Variants in LRRTM4 observed in about 807,000 individuals in gnomAD.
LRRTM4 encodes leucine rich repeat transmembrane neuronal 4, also known as leucine-rich repeat transmembrane neuronal protein 4.
A neutral mutation model predicts 47.6 loss-of-function variants in LRRTM4; 25 were observed. That is an observed-to-expected ratio of 0.53 (90% CI 0.38 to 0.73). The LOEUF is 0.73. LRRTM4 is among the 30% of genes least tolerant of loss of function. LRRTM4 has a pLI of 0.00. For missense variants in LRRTM4, 638 were observed against 713.4 expected (o/e 0.89, Z 1.20); for synonymous variants, 311 against 269.5 (o/e 1.15, Z -1.51).
chr2:77,102,447 A>T (rs1670981977), intron 3 of LRRTM4, among the ~76,000 whole-genome samples: 1 of 152,202 alleles, frequency 6.6e-6, no homozygotes, highest in South Asian at 2.1e-4. Flanking sequence ...AACTTCCACC[A>T]TTAAGGAAAA....
chr2:77,167,701 G>C (rs945848733), intron 3 of LRRTM4, among the ~76,000 whole-genome samples: 1 of 152,028 alleles, frequency 6.6e-6, no homozygotes, highest in Non-Finnish European at 1.5e-5. Flanking sequence ...CTATCACAAG[G>C]ACAGAAAACC....
chr2:77,158,402 A>C (rs2103801431), intron 3 of LRRTM4, among the ~76,000 whole-genome samples: 1 of 152,284 alleles, frequency 6.6e-6, no homozygotes, highest in South Asian at 2.1e-4. Context: ...AAATTATTTT[A>C]TCTTTTTGGG....
intron 3 of LRRTM4, among the ~76,000 whole-genome samples, chr2:77,282,155 C>G (rs930264482): frequency 1.3e-5 from 2 of 151,756 alleles, no homozygotes; most frequent in East Asian, 1.9e-4. Context: ...GATCTTTCAC[C>G]TCCTTGGTTA....
chr2:76,833,104 A>C (rs1209166495), intron 3 of LRRTM4, among the ~76,000 whole-genome samples: 1 of 152,118 alleles, frequency 6.6e-6, no homozygotes, highest in African/African-American at 2.4e-5. Flanking sequence ...GTGAAATACA[A>C]ATCTGGAACT....
At chr2:77,232,755 A>G (rs1007384140) in intron 3 of LRRTM4, among the ~76,000 whole-genome samples, 23 of 152,208 alleles carry the variant, frequency 1.5e-4, no homozygotes, top group African/African-American at 3.6e-4. Context: ...GTATTTTTCT[A>G]TTACTAAATT....
chr2:77,427,326 T>C (rs1409249855), intron 3 of LRRTM4, among the ~76,000 whole-genome samples: 1 of 152,162 alleles, frequency 6.6e-6, no homozygotes, highest in Non-Finnish European at 1.5e-5. Context: ...ACCTAGTTAA[T>C]ATCTGAGAAA....
chr2:77,214,339 A>T (rs6547131), intron 3 of LRRTM4, among the ~76,000 whole-genome samples: 30,066 of 152,106 alleles, frequency 0.2, 5,701 homozygotes, highest in African/African-American at 0.49. Context: ...ACTTTTACAA[A>T]AGGGATGATA....
intron 3 of LRRTM4, among the ~76,000 whole-genome samples, chr2:76,780,167 C>T (rs186852507): frequency 0.022 from 3,299 of 152,160 alleles, 108 homozygotes; most frequent in African/African-American, 0.069. Flanking sequence ...GAGGGTAACC[C>T]GACCTTTCTC....
At chr2:77,020,059 T>C (rs1678212264) in intron 3 of LRRTM4, among the ~76,000 whole-genome samples, 2 of 152,126 alleles carry the variant, frequency 1.3e-5, no homozygotes, top group Non-Finnish European at 1.5e-5. Flanking sequence ...AATGAACTTA[T>C]GAATCTAAGG....
intron 3 of LRRTM4, among the ~76,000 whole-genome samples, chr2:77,155,614 C>T (rs1192375275): frequency 1.3e-5 from 2 of 151,422 alleles, no homozygotes; most frequent in East Asian, 1.9e-4. Flanking sequence ...TAATCAGGAG[C>T]AGGGTGTGGG....
At chr2:77,150,707 G>A (rs976020887) in intron 3 of LRRTM4, among the ~76,000 whole-genome samples, 1 of 152,102 alleles carries the variant, frequency 6.6e-6, no homozygotes, top group Non-Finnish European at 1.5e-5. Flanking sequence ...AACAGCCTGG[G>A]TGGCTCAGGA....
At chr2:76,910,402 C>G (rs568680724) in intron 3 of LRRTM4, among the ~76,000 whole-genome samples, 1 of 151,584 alleles carries the variant, frequency 6.6e-6, no homozygotes, top group Admixed American at 6.6e-5. Context: ...TGCTAGATGA[C>G]GAGTTAGTGG....
chr2:77,408,654 C>T (rs189619938), intron 3 of LRRTM4, among the ~76,000 whole-genome samples: 39 of 152,268 alleles, frequency 2.6e-4, no homozygotes, highest in Admixed American at 8.5e-4. Flanking sequence ...CTCTGAATCC[C>T]CCCAGGAAGG....
intron 3 of LRRTM4, among the ~76,000 whole-genome samples, chr2:76,778,833 G>GTTCTT (rs1490149736): frequency 6.6e-6 from 1 of 150,956 alleles, no homozygotes. Context: ...TGCTTTTCTA[G>GTTCTT]TTCTTTTAAT....
intron 3 of LRRTM4, among the ~76,000 whole-genome samples, chr2:76,808,764 C>A (rs1314668408): frequency 6.6e-6 from 1 of 152,076 alleles, no homozygotes; most frequent in Non-Finnish European, 1.5e-5. Context: ...CACTTTCCTG[C>A]AACACATTCC....
At chr2:76,903,595 C>T (rs1207129289) in intron 3 of LRRTM4, among the ~76,000 whole-genome samples, 2 of 152,110 alleles carry the variant, frequency 1.3e-5, no homozygotes, top group East Asian at 1.9e-4. Flanking sequence ...ACTACAAAAG[C>T]TTATTTTATC....
chr2:77,213,085 T>C (rs1320272788), intron 3 of LRRTM4, among the ~76,000 whole-genome samples: 1 of 152,160 alleles, frequency 6.6e-6, no homozygotes, highest in Non-Finnish European at 1.5e-5. Flanking sequence ...ATTGGTGGAA[T>C]AGTAATTTTC....
intron 3 of LRRTM4, among the ~76,000 whole-genome samples, chr2:77,136,188 G>GT (rs1671935883): frequency 6.6e-6 from 1 of 152,148 alleles, no homozygotes; most frequent in Non-Finnish European, 1.5e-5. Flanking sequence ...CCTCAAGTGG[G>GT]TCCCTGACCC....
rs1007618686 is a variant in LRRTM4, at chr2:77,260,415, A to G, written c.1551+257903T>C. ...TGTGTGTGTGTGTGTGTGTGTGTGT[A>G]GATAGTTGATTGGCTGCTATCAACG... On this transcript the variant is annotated intron_variant, in intron 3 of 3. Coordinates refer to ENST00000409884, the MANE Select transcript of LRRTM4 (RefSeq NM_001134745.3). 4.7e-4 allele frequency among the ~76,000 whole-genome samples: 59 copies of G among 124,248 alleles called. 1 individual carries two copies. Among genetic ancestry groups the G allele is most frequent in the African/African-American group, 1.5e-3 (53 of 34,918 alleles). 81.5% of individuals were successfully genotyped at this position (124,248 alleles called of 152,430 possible). A position where few individuals can be genotyped will look rare whatever the true frequency, so the allele number is the denominator to read the frequency against.
Sources: gnomAD v4.1 joint callset for allele counts (sites outside exome capture counted in the v4.1 genomes callset) on GRCh38, gnomAD v4.1.1 for gene constraint, MANE v1.5 for transcripts, NCBI Gene and HGNC (gene_info 2026-07-23, HGNC 2026-07-21) for gene names.